The following NKAIN2 variants were observed in gnomAD, a reference collection of about 807,000 sequenced individuals.
NKAIN2 encodes sodium/potassium transporting ATPase interacting 2.
A neutral mutation model predicts 32.6 loss-of-function variants in NKAIN2; 14 were observed. That is an observed-to-expected ratio of 0.43 (90% CI 0.28 to 0.67). The LOEUF is 0.67. Among genes scored for constraint, NKAIN2 ranks in the 30% least tolerant of loss-of-function variants. The probability of loss-of-function intolerance (pLI) is 0.17; values close to 1 mark genes in which losing one functional copy is unlikely to be tolerated. For missense variants in NKAIN2, 198 were observed against 258.3 expected (o/e 0.77, Z 1.60); for synonymous variants, 80 against 87.2 (o/e 0.92, Z 0.46).
At chr6:124,408,931 T>C (rs1386802236) in intron 3 of NKAIN2, among the ~76,000 whole-genome samples, 3 of 152,176 alleles carry the variant, frequency 2.0e-5, no homozygotes, top group African/African-American at 7.2e-5. Context: ...TAAGTTGGAT[T>C]CCTAGGTATT....
chr6:124,064,111 C>T (rs988489028), intron 1 of NKAIN2, among the ~76,000 whole-genome samples: 4 of 151,736 alleles, frequency 2.6e-5, no homozygotes, highest in African/African-American at 9.7e-5. Flanking sequence ...CCACCATGCC[C>T]GGCTAATTTT....
In NKAIN2 at chr6:124,707,981, C is replaced by G. The variant is rs1252475201; in HGVS notation, c.474+49595C>G. ...AGGGTTTTTATGGTTTTAGGTCTAA[C>G]GTTTAAGTCTTTAATCCATCTTGAA... is the stretch of plus-strand genomic sequence containing the variant. On this transcript the variant is annotated intron_variant, in intron 4 of 6. Coordinates refer to ENST00000368417, the MANE Select transcript of NKAIN2 (RefSeq NM_001040214.3). 2.0e-5 allele frequency among the ~76,000 whole-genome samples: 3 copies of G among 148,874 alleles called. No homozygotes were observed. In the South Asian group the frequency reaches 6.4e-4, roughly 32 times the overall value.
At chr6:124,371,693 C>CAAAA (rs10679200) in intron 3 of NKAIN2, among the ~76,000 whole-genome samples, 21 of 95,424 alleles carry the variant, frequency 2.2e-4, no homozygotes, top group East Asian at 3.0e-4. Flanking sequence ...GACTCTGTCT[C>CAAAA]AAAAAAAAAA....
chr6:124,371,037 A>G (rs332639), intron 3 of NKAIN2, among the ~76,000 whole-genome samples: 8,219 of 152,262 alleles, frequency 0.054, 344 homozygotes, highest in Middle Eastern at 0.11. Flanking sequence ...ATAGTGTGCT[A>G]CATAATGAGT....
rs368848658 is a variant in NKAIN2, at chr6:124,587,299, G to A, written c.274-70887G>A. 1.4e-4 allele frequency among the ~76,000 whole-genome samples: 22 copies of A among 151,756 alleles called. No homozygotes were observed. The East Asian group carries it at 3.5e-3, about 24-fold the overall frequency. ...AGGCTGGAGTGCAGGGTGCTATCTCGGCTCAATGCAACCTCCGCCTCCTGG... is the reference window on the plus strand; with the variant it reads ...AGGCTGGAGTGCAGGGTGCTATCTCAGCTCAATGCAACCTCCGCCTCCTGG... On this transcript the variant is annotated intron_variant, in intron 3 of 6. Coordinates refer to ENST00000368417, the MANE Select transcript of NKAIN2 (RefSeq NM_001040214.3).
intron 4 of NKAIN2, among the ~76,000 whole-genome samples, chr6:124,707,611 ATG>A (rs1270102225): frequency 2.8e-5 from 4 of 143,804 alleles, no homozygotes; most frequent in Non-Finnish European, 6.1e-5. Context: ...GCATTTTTTC[ATG>A]TGTTTTTTGG....
intron 4 of NKAIN2, among the ~76,000 whole-genome samples, chr6:124,660,563 G>C (rs186105599): frequency 3.0e-4 from 45 of 152,288 alleles, no homozygotes; most frequent in African/African-American, 9.4e-4. Flanking sequence ...TCATGCTACT[G>C]GCTCTTGTTT....
At chr6:123,934,412 TA>T (rs2114531391) in intron 1 of NKAIN2, among the ~76,000 whole-genome samples, 1 of 152,320 alleles carries the variant, frequency 6.6e-6, no homozygotes, top group Non-Finnish European at 1.5e-5. Context: ...AAGTCCTCTC[TA>T]AAACCTTCCC....
intron 2 of NKAIN2, among the ~76,000 whole-genome samples, chr6:124,316,218 C>A (rs1295434095): frequency 1.3e-5 from 2 of 151,986 alleles, no homozygotes; most frequent in African/African-American, 4.8e-5. Context: ...ACGCTTGCAG[C>A]TTGTTTTAAA....
intron 1 of NKAIN2, among the ~76,000 whole-genome samples, chr6:123,855,351 A>C (rs1775516654): frequency 6.6e-6 from 1 of 152,192 alleles, no homozygotes; most frequent in Admixed American, 6.5e-5. Flanking sequence ...GGTGGCACAT[A>C]AAAAAATACT....
intron 3 of NKAIN2, among the ~76,000 whole-genome samples, chr6:124,630,469 A>C (rs1368241313): frequency 2.6e-5 from 4 of 152,174 alleles, no homozygotes; most frequent in Non-Finnish European, 5.9e-5. Flanking sequence ...ATACAGAATG[A>C]AAAAGCAATA....
At chr6:124,200,785 C>G (rs922762046) in intron 1 of NKAIN2, among the ~76,000 whole-genome samples, 1 of 152,064 alleles carries the variant, frequency 6.6e-6, no homozygotes, top group Non-Finnish European at 1.5e-5. Flanking sequence ...GACCTGATTA[C>G]TGCCATATGA....
intron 1 of NKAIN2, among the ~76,000 whole-genome samples, chr6:123,806,725 G>C (rs910499106): frequency 1.3e-5 from 2 of 152,088 alleles, no homozygotes; most frequent in Non-Finnish European, 2.9e-5. Flanking sequence ...TGTTTAGTAT[G>C]TGTTCTTGTA....
intron 3 of NKAIN2, among the ~76,000 whole-genome samples, chr6:124,371,693 CA>C (rs10679200): frequency 0.092 from 8,777 of 95,578 alleles, 555 homozygotes; most frequent in African/African-American, 0.3. Context: ...GACTCTGTCT[CA>C]AAAAAAAAAA....
intron 1 of NKAIN2, among the ~76,000 whole-genome samples, chr6:123,891,859 A>G (rs546672627): frequency 1.1e-4 from 17 of 152,166 alleles, no homozygotes; most frequent in Non-Finnish European, 4.4e-5. Context: ...TAAAATAGAG[A>G]TGAAAATAGC....
At chr6:124,679,435 A>G (rs1403740582) in intron 4 of NKAIN2, among the ~76,000 whole-genome samples, 1 of 152,072 alleles carries the variant, frequency 6.6e-6, no homozygotes, top group Non-Finnish European at 1.5e-5. Flanking sequence ...CTCCTTCCCT[A>G]CCTAGGAAGA....
chr6:124,137,820 G>A (rs1426083553), intron 1 of NKAIN2, among the ~76,000 whole-genome samples: 1 of 152,076 alleles, frequency 6.6e-6, no homozygotes, highest in African/African-American at 2.4e-5. Context: ...ATATGTAGAA[G>A]AATGAAACTT....
intron 2 of NKAIN2, among the ~76,000 whole-genome samples, chr6:124,352,368 T>A (rs1398629644): frequency 6.6e-6 from 1 of 152,220 alleles, no homozygotes; most frequent in Non-Finnish European, 1.5e-5. Context: ...TTTTATTATA[T>A]TTTCAACATA....
chr6:124,482,938 C>G (rs1340442376), intron 3 of NKAIN2, among the ~76,000 whole-genome samples: 1 of 151,990 alleles, frequency 6.6e-6, no homozygotes, highest in Non-Finnish European at 1.5e-5. Context: ...ATTGAGACCA[C>G]GGTGAAACCC....
Sources: gnomAD v4.1 joint callset for allele counts (sites outside exome capture counted in the v4.1 genomes callset) on GRCh38, gnomAD v4.1.1 for gene constraint, MANE v1.5 for transcripts, NCBI Gene and HGNC (gene_info 2026-07-23, HGNC 2026-07-21) for gene names.